The following SWT1 variants were observed in gnomAD, a reference collection of about 807,000 sequenced individuals.
SWT1 encodes transcriptional protein SWT1.
In SWT1, 33 loss-of-function variants were observed where a neutral mutation model predicts 107.3. The observed-to-expected ratio is 0.31, with a 90% CI of 0.23 to 0.41. The LOEUF is 0.41. Ranked by LOEUF, SWT1 falls within the 10% of genes least tolerant of loss-of-function variation. The probability of loss-of-function intolerance (pLI) is 1.00; values close to 1 mark genes in which losing one functional copy is unlikely to be tolerated. For missense variants in SWT1, 898 were observed against 1,028.9 expected (o/e 0.87, Z 1.74); for synonymous variants, 345 against 348.3 (o/e 0.99, Z 0.11).
intron 16 of SWT1, among the ~76,000 whole-genome samples, chr1:185,236,881 C>G (rs768079698): frequency 6.6e-6 from 1 of 151,978 alleles, no homozygotes; most frequent in Non-Finnish European, 1.5e-5. Context: ...AAAAACAACC[C>G]CATCAAAAAG....
chr1:185,229,993 C>G (rs988427312), intron 15 of SWT1, among the ~76,000 whole-genome samples: 3 of 152,044 alleles, frequency 2.0e-5, no homozygotes, highest in Non-Finnish European at 4.4e-5. Context: ...ATGAAATGTT[C>G]TTTAACTAGA....
chr1:185,231,612 C>T lies in SWT1; in HGVS notation c.2345C>T (p.Ala782Val), dbSNP rs754038449. The change falls in exon 16 of 19, where the codon GCT becomes GTT. Residue 782 changes from alanine (A) to valine (V), a missense_variant. This residue lies in a region of SWT1 where 382 missense variants were observed against 460.0 expected (regional missense o/e 0.83). Transcript: ENST00000367500. ...TTTCAAAGATTGGGCTCAAATTCAG[C>T]TCTGACTACTTCAAATATAGCATCA... is the stretch of plus-strand genomic sequence containing the variant. The part of the protein sequence containing the change: ...DVFQRLGSNS[A>V]LTTSNIASFE... 13 of 1,610,350 alleles carry T rather than the reference C, an allele frequency of 8.1e-6. No homozygotes were observed. Among genetic ancestry groups the T allele is most frequent in the South Asian group, 2.2e-5 (2 of 90,900 alleles).
intron 18 of SWT1, chr1:185,281,578 TG>T: frequency 4.3e-6 from 1 of 233,998 alleles, no homozygotes. Flanking sequence ...ATGTCAGCCC[TG>T]ATGAGTTTGT....
intron 15 of SWT1, among the ~76,000 whole-genome samples, chr1:185,222,519 G>A (rs1659734468): frequency 6.6e-6 from 1 of 152,076 alleles, no homozygotes; most frequent in Admixed American, 6.6e-5. Flanking sequence ...CACTTCGGGA[G>A]GCAGAGGTGA....
intron 8 of SWT1, 68 bp from the exon 9 acceptor site, chr1:185,184,675 G>T: frequency 8.0e-7 from 1 of 1,242,450 alleles, no homozygotes; most frequent in Non-Finnish European, 1.1e-6. Context: ...TTTACCTCTT[G>T]GACAGCAATT....
In SWT1 at chr1:185,174,466, G is replaced by A; in HGVS notation, c.319G>A (p.Asp107Asn). ...IKLKEASYSN[D>N]NQIILQSPSS... ...ACTCAAAGAAGCATCATATTCAAAT[G>A]ATAATCAAATTATTTTGCAGAGTCC... is the stretch of plus-strand genomic sequence containing the variant. The change falls in exon 5 of 19, where the codon GAT becomes AAT. Residue 107 changes from aspartate (D) to asparagine (N), a missense_variant. Coordinates refer to ENST00000367500, the MANE Select transcript of SWT1 (RefSeq NM_017673.7). 1 of 1,610,172 alleles carries A rather than the reference G, an allele frequency of 6.2e-7. No individual in the cohort carries two copies. Among genetic ancestry groups the A allele is most frequent in the Non-Finnish European group, 8.5e-7 (1 of 1,178,958 alleles).
chr1:185,175,088 C>A lies in SWT1; in HGVS notation c.941C>A (p.Ser314Ter). Residue 314 changes from serine to a stop codon, truncating the protein, a stop_gained, in exon 5 of 19, where the codon TCA becomes TAA. Transcript: ENST00000367500. LOFTEE classifies it high-confidence loss of function. ...TATGACCATCAAGAAAGTAATGATT[C>A]ACATTCTAGGGAAAACCTAACCCAG... is the stretch of plus-strand genomic sequence containing the variant. ...HHYDHQESND[S>*]HSRENLTQSF... 2 of 1,564,368 alleles carry A rather than the reference C, an allele frequency of 1.3e-6. No homozygotes were observed. The highest frequency in any genetic ancestry group is 1.2e-5 in the South Asian group (1 of 82,182).
intron 16 of SWT1, among the ~76,000 whole-genome samples, chr1:185,245,119 A>G (rs1345048600): frequency 6.6e-6 from 1 of 152,242 alleles, no homozygotes; most frequent in Non-Finnish European, 1.5e-5. Context: ...AAAATAAAAA[A>G]GGACCACCCC....
intron 12 of SWT1, among the ~76,000 whole-genome samples, 191 bp downstream of exon 12, chr1:185,205,054 A>G (rs572687158): frequency 1.3e-5 from 2 of 152,156 alleles, no homozygotes; most frequent in South Asian, 4.2e-4. Context: ...TTAGGAATAT[A>G]TGTTATTCTT....
chr1:185,270,980 A>G lies in SWT1; in HGVS notation c.2442-343A>G, dbSNP rs550338765. Among the ~76,000 whole-genome samples, 9 of 152,360 alleles carry G rather than the reference A, an allele frequency of 5.9e-5. No individual in the cohort carries two copies. The South Asian group carries it at 1.7e-3, about 28-fold the overall frequency. ...GTCTGGAGCTTAAAAGATATGAAGT[A>G]TAAATGCACTTCACATTTCTGTCTA... On this transcript the variant is annotated intron_variant, in intron 16 of 18. Coordinates refer to ENST00000367500, the MANE Select transcript of SWT1 (RefSeq NM_017673.7).
chr1:185,227,058 T>C lies in SWT1; in HGVS notation c.2310-4519T>C, dbSNP rs1411114867. 1.3e-5 allele frequency: 13 copies of C among 979,256 alleles called. No homozygotes were observed. In the Admixed American group the frequency reaches 2.2e-4, roughly 17 times the overall value. The allele number at this position is 979,256 out of a possible 1,614,324, so 60.7% of individuals were successfully genotyped here. ...CTGTTTCTTGTAAGCATCTTTATCT[T>C]CTTCCATTAAATAGCACATGTAATC... On this transcript the variant is annotated intron_variant, in intron 15 of 18. Transcript: ENST00000367500.
intron 15 of SWT1, chr1:185,227,342 A>T (rs1660145246): frequency 1.4e-6 from 1 of 730,628 alleles, no homozygotes; most frequent in African/African-American, 1.7e-5. Flanking sequence ...CTTGGCTTTC[A>T]TAGATCTTGT....
intron 14 of SWT1, among the ~76,000 whole-genome samples, chr1:185,216,805 A>C (rs1659249759): frequency 2.0e-5 from 3 of 152,152 alleles, no homozygotes; most frequent in African/African-American, 7.2e-5. Flanking sequence ...TACAAAAATT[A>C]GCCAGGCATG....
In SWT1 at chr1:185,279,918, A is replaced by T. The variant is rs565591979; in HGVS notation, c.2573+3250A>T. On this transcript the variant is annotated intron_variant, in intron 18 of 18. Coordinates refer to ENST00000367500, the MANE Select transcript of SWT1 (RefSeq NM_017673.7). ...GATAATCTTTGTTTTTGTTTTTTTT[A>T]AAGCATTAGTTGTAAACAAGGAAAC... Among the ~76,000 whole-genome samples the T allele has an allele frequency of 9.0e-4, 137 of 152,072 alleles. 3 individuals carry two copies. The South Asian group carries it at 0.027, about 30-fold the overall frequency.
chr1:185,174,004 G>A (rs1655322169), intron 4 of SWT1, among the ~76,000 whole-genome samples: 1 of 152,134 alleles, frequency 6.6e-6, no homozygotes, highest in Admixed American at 6.5e-5. Context: ...CTAGGCAACA[G>A]AGTGAGAACC....
At chr1:185,257,439 T>C (rs1662652465) in intron 16 of SWT1, among the ~76,000 whole-genome samples, 1 of 152,072 alleles carries the variant, frequency 6.6e-6, no homozygotes, top group South Asian at 2.1e-4. Flanking sequence ...CGAGACTCCG[T>C]GGGCGTAGGA....
intron 15 of SWT1, among the ~76,000 whole-genome samples, chr1:185,223,675 T>A (rs1397517147): frequency 6.6e-6 from 1 of 152,186 alleles, no homozygotes; most frequent in African/African-American, 2.4e-5. Flanking sequence ...AGTTCAGGGG[T>A]ACATGTGCAA....
At chr1:185,228,876 TAC>T (rs1660291378) in intron 15 of SWT1, among the ~76,000 whole-genome samples, 1 of 152,108 alleles carries the variant, frequency 6.6e-6, no homozygotes, top group African/African-American at 2.4e-5. Flanking sequence ...GAATAGAAAT[TAC>T]AAAGAGCTTG....
intron 4 of SWT1, chr1:185,171,306 C>T (rs1323493250): frequency 2.1e-5 from 4 of 193,308 alleles, no homozygotes; most frequent in African/African-American, 4.8e-5. Flanking sequence ...TTCAAGAATT[C>T]GTATAAAATA....
Sources: allele counts gnomAD v4.1 joint callset (sites outside exome capture counted in the v4.1 genomes callset), GRCh38; gene constraint gnomAD v4.1.1; regional missense constraint gnomAD v4.1.1; transcripts MANE v1.5; gene names NCBI Gene and HGNC (gene_info 2026-07-23, HGNC 2026-07-21).